Variants in LTBP1 observed in about 807,000 individuals in gnomAD.
LTBP1 encodes latent-transforming growth factor beta-binding protein 1.
LTBP1 carries 129 observed loss-of-function variants against 207.6 expected under a neutral mutation model. The ratio of observed to expected loss-of-function variants is 0.62; its 90% CI spans 0.54 to 0.72. The LOEUF (loss-of-function observed/expected upper bound fraction) is 0.72. LTBP1 is among the 30% of genes least tolerant of loss of function. The pLI, the probability that LTBP1 is intolerant of heterozygous loss-of-function variation, is 0.00. For missense variants in LTBP1, 2,281 were observed against 2,217.2 expected (o/e 1.03, Z -0.58); for synonymous variants, 963 against 833.7 (o/e 1.16, Z -2.67).
rs1043030117 is a variant in LTBP1, at chr2:32,948,290, T to G, written c.494+472T>G. On this transcript the variant is annotated intron_variant, in intron 1 of 33. Coordinates refer to ENST00000404816, the MANE Select transcript of LTBP1 (RefSeq NM_206943.4). ...GAACTTTGCAGCATCAGAGAAATCA[T>G]GGGCTTGGACTTCGCTGCACCTGTG... is the stretch of plus-strand genomic sequence containing the variant. Among the ~76,000 whole-genome samples, 6 of 152,340 alleles carry G rather than the reference T, an allele frequency of 3.9e-5. 1 individual carries two copies. The highest frequency in any genetic ancestry group is 2.0e-4 in the Admixed American group (3 of 15,306).
chr2:32,947,992 C>T (rs1319429963), intron 1 of LTBP1, among the ~76,000 whole-genome samples, 174 bp downstream of exon 1: 1 of 152,130 alleles, frequency 6.6e-6, no homozygotes, highest in Non-Finnish European at 1.5e-5. Context: ...GAGGGGAGTG[C>T]GGGGAAGCCC....
intron 3 of LTBP1, among the ~76,000 whole-genome samples, chr2:33,089,689 T>C (rs1324290142): frequency 6.6e-6 from 1 of 152,250 alleles, no homozygotes; most frequent in East Asian, 1.9e-4. Context: ...CTAAAGTCTA[T>C]TAATATGTAG....
chr2:33,162,374 T>C (rs1307058208), intron 5 of LTBP1, among the ~76,000 whole-genome samples: 1 of 152,228 alleles, frequency 6.6e-6, no homozygotes, highest in Non-Finnish European at 1.5e-5. Context: ...CATGACTATA[T>C]ATCTAATAAT....
At chr2:33,354,632 A>T (rs7591317) in intron 26 of LTBP1, among the ~76,000 whole-genome samples, 1 of 151,714 alleles carries the variant, frequency 6.6e-6, no homozygotes, top group Admixed American at 6.6e-5. Flanking sequence ...GAAAAGAGAT[A>T]TCAGTGTTTT....
chr2:33,323,326 C>T (rs938860999), intron 24 of LTBP1, among the ~76,000 whole-genome samples: 4 of 152,102 alleles, frequency 2.6e-5, no homozygotes, highest in African/African-American at 9.7e-5. Context: ...ATGCATATTG[C>T]TCCTGTACCT....
chr2:33,206,479 C>G (rs2089887817), intron 7 of LTBP1, among the ~76,000 whole-genome samples: 1 of 151,920 alleles, frequency 6.6e-6, no homozygotes, highest in South Asian at 2.1e-4. Context: ...AGTGGCTCAC[C>G]CCTGTAATCC....
chr2:33,178,668 A>G (rs2086312892), intron 5 of LTBP1, among the ~76,000 whole-genome samples: 1 of 152,186 alleles, frequency 6.6e-6, no homozygotes, highest in South Asian at 2.1e-4. Flanking sequence ...TAATTTTCAA[A>G]GCAGGTAACA....
chr2:33,095,730 G>A (rs1438769882), intron 3 of LTBP1, among the ~76,000 whole-genome samples: 1 of 151,912 alleles, frequency 6.6e-6, no homozygotes, highest in Non-Finnish European at 1.5e-5. Flanking sequence ...CAAAAGATGG[G>A]GGAATTTTTA....
chr2:33,342,374 G>A (rs2094638715), intron 24 of LTBP1, among the ~76,000 whole-genome samples: 1 of 152,196 alleles, frequency 6.6e-6, no homozygotes, highest in Non-Finnish European at 1.5e-5. Flanking sequence ...ATGTTGTGTA[G>A]TCTGGATCAA....
intron 13 of LTBP1, among the ~76,000 whole-genome samples, chr2:33,261,213 G>A (rs1464073616): frequency 3.3e-5 from 5 of 152,200 alleles, no homozygotes; most frequent in Non-Finnish European, 5.9e-5. Flanking sequence ...AAGTGGTGTA[G>A]ATTAGGAAGT....
intron 24 of LTBP1, among the ~76,000 whole-genome samples, chr2:33,334,137 G>T (rs540299862): frequency 6.2e-4 from 94 of 152,322 alleles, no homozygotes; most frequent in African/African-American, 2.1e-3. Flanking sequence ...GAATTCAGGA[G>T]CCACTCAAGA....
At chr2:33,214,819 C>T (rs1030261131) in intron 7 of LTBP1, among the ~76,000 whole-genome samples, 5 of 151,688 alleles carry the variant, frequency 3.3e-5, no homozygotes, top group African/African-American at 1.2e-4. Context: ...CTGACTTACA[C>T]TAGGGCTTTT....
intron 2 of LTBP1, among the ~76,000 whole-genome samples, chr2:32,963,900 A>T (rs1558445289): frequency 6.6e-6 from 1 of 152,250 alleles, no homozygotes; most frequent in Non-Finnish European, 1.5e-5. Flanking sequence ...GGAATACAAG[A>T]TATCAAAAGC....
rs190508176 is a variant in LTBP1, at chr2:33,102,586, C to A, written c.864-7996C>A. Among the ~76,000 whole-genome samples the A allele has an allele frequency of 3.3e-5, 5 of 152,288 alleles. No homozygotes were observed. In the East Asian group the frequency reaches 9.6e-4, roughly 29 times the overall value. ...TCAATCCCTTTTGTCTCTTTCATCT[C>A]ATTTAGTCGAAGACAATTTTTATTG... On this transcript the variant is annotated intron_variant, in intron 3 of 33. Transcript: ENST00000404816.
intron 2 of LTBP1, among the ~76,000 whole-genome samples, chr2:32,977,756 A>G (rs1216521249): frequency 6.6e-6 from 1 of 150,790 alleles, no homozygotes; most frequent in African/African-American, 2.4e-5. Context: ...GTCTGTGTTG[A>G]CTCCAGATAG....
intron 10 of LTBP1, 75 bp downstream of exon 10, chr2:33,243,859 C>A: frequency 2.0e-6 from 3 of 1,518,672 alleles, no homozygotes; most frequent in African/African-American, 1.4e-5. Context: ...CGGAAATACT[C>A]AGTGGCCAAC....
chr2:32,979,749 A>G (rs1409972615), intron 2 of LTBP1, among the ~76,000 whole-genome samples: 1 of 152,110 alleles, frequency 6.6e-6, no homozygotes, highest in Admixed American at 6.5e-5. Context: ...TTCTGTCTGG[A>G]TGATGTGTCT....
At chr2:33,146,583 T>G (rs1417159528) in intron 5 of LTBP1, among the ~76,000 whole-genome samples, 1 of 152,186 alleles carries the variant, frequency 6.6e-6, no homozygotes, top group Non-Finnish European at 1.5e-5. Context: ...AAAAACTACC[T>G]GAGACTGGGT....
chr2:33,129,145 A>G (rs1457539940), intron 4 of LTBP1, among the ~76,000 whole-genome samples: 1 of 152,238 alleles, frequency 6.6e-6, no homozygotes, highest in Non-Finnish European at 1.5e-5. Flanking sequence ...AGTTGGTAAT[A>G]AAAGTGGAGA....
Sources: gnomAD v4.1 joint callset for allele counts (sites outside exome capture counted in the v4.1 genomes callset) on GRCh38, gnomAD v4.1.1 for gene constraint, MANE v1.5 for transcripts, NCBI Gene and HGNC (gene_info 2026-07-23, HGNC 2026-07-21) for gene names.